Variants in BCAT1 observed in about 807,000 individuals in gnomAD.
BCAT1 encodes branched chain amino acid transaminase 1.
A neutral mutation model predicts 52.4 loss-of-function variants in BCAT1; 48 were observed. The observed-to-expected ratio is 0.92, with a 90% CI of 0.73 to 1.16. The LOEUF is 1.16. Ranked by LOEUF, BCAT1 falls within the 50% of genes most tolerant of loss-of-function variation. BCAT1 has a pLI of 0.00. For missense variants in BCAT1, 451 were observed against 457.1 expected, an observed-to-expected ratio of 0.99 and a Z score of 0.12; for synonymous variants, 167 against 161.3, an observed-to-expected ratio of 1.04 and a Z score of -0.27.
Position 24,861,586 on chromosome 12 carries a change from C to T in BCAT1, c.511-11637G>A, listed in dbSNP as rs553889814. The stretch of plus-strand genomic sequence containing the variant: ...GAATAGTTACGCAAAAATATCATCA[C>T]CTGTATTCAGCCAGAAGAAGCTACA... On this transcript the variant is annotated intron_variant, in intron 5 of 10. Transcript: ENST00000261192. Among the ~76,000 whole-genome samples the T allele has an allele frequency of 3.3e-5, 5 of 152,304 alleles. No individual in the cohort carries two copies. The East Asian group carries it at 9.6e-4, about 29-fold the overall frequency.
intron 1 of BCAT1, among the ~76,000 whole-genome samples, chr12:24,933,588 C>T (rs1014023124): frequency 4.6e-5 from 7 of 152,050 alleles, no homozygotes; most frequent in African/African-American, 1.7e-4. Flanking sequence ...GGAACCTGGT[C>T]GAAGGTGATT....
chr12:24,934,677 C>A (rs888193679), intron 1 of BCAT1, among the ~76,000 whole-genome samples: 1 of 152,178 alleles, frequency 6.6e-6, no homozygotes, highest in Non-Finnish European at 1.5e-5. Flanking sequence ...CTCAGCCTCC[C>A]AAGTAGCTGG....
intron 1 of BCAT1, among the ~76,000 whole-genome samples, chr12:24,914,422 C>T (rs952983427): frequency 2.0e-5 from 3 of 152,104 alleles, no homozygotes; most frequent in African/African-American, 7.2e-5. Context: ...GTCTTGCAGT[C>T]GTGAGAACAG....
chr12:24,851,104 A>G (rs1565462760), intron 5 of BCAT1, among the ~76,000 whole-genome samples: 1 of 152,184 alleles, frequency 6.6e-6, no homozygotes, highest in Admixed American at 6.5e-5. Context: ...TGAAGGCTAC[A>G]TATTAAGGTA....
At chr12:24,926,118 C>T (rs1482395628) in intron 1 of BCAT1, among the ~76,000 whole-genome samples, 23 of 152,038 alleles carry the variant, frequency 1.5e-4, no homozygotes, top group Non-Finnish European at 2.6e-4. Context: ...CGCCTCTTCC[C>T]GGCTGCCATC....
chr12:24,812,818 G>A lies in BCAT1; in HGVS notation c.*5190C>T, dbSNP rs1939733755. On this transcript the variant is annotated 3_prime_UTR_variant, in exon 11 of 11. Transcript: ENST00000261192. ...TAGCCATTGTGATAGTGGATATGTA[G>A]AGAAAAGCCAGTGAAACTATATTTT... The A allele has an allele frequency of 1.3e-5, 2 of 152,034 alleles. No homozygotes were observed. The highest frequency in any genetic ancestry group is 4.1e-4 in the South Asian group (2 of 4,824). The allele number at this position is 152,034 out of a possible 1,614,324, so 9.4% of individuals were successfully genotyped here. A position where few individuals can be genotyped will look rare whatever the true frequency, so the allele number is the denominator to read the frequency against.
rs1221310181 is a variant in BCAT1, at chr12:24,831,352, CA to C, written c.1044+1370del. On this transcript the variant is annotated intron_variant, in intron 9 of 10. Transcript: ENST00000261192. ...ACTAGTAGTTAAGTTTTTGGGAAGT[CA>C]AAAGTTATATGTGGGCCGGGCATGG... Among the ~76,000 whole-genome samples, 4 of 152,188 alleles carry C rather than the reference CA, an allele frequency of 2.6e-5. No homozygotes were observed. The East Asian group carries it at 7.7e-4, about 29-fold the overall frequency.
At chr12:24,826,949 G>A (rs765138946) in intron 10 of BCAT1, among the ~76,000 whole-genome samples, 2 of 152,048 alleles carry the variant, frequency 1.3e-5, no homozygotes, top group Non-Finnish European at 2.9e-5. Context: ...TTCACTGTTA[G>A]CATATATAAA....
At position 24,814,357 on chromosome 12, in the gene BCAT1, A is replaced by C. The variant is rs1872646; in HGVS notation, c.*3651T>G. 1 allele frequency: 151,416 copies of C among 151,478 alleles called. 75,678 individuals are homozygous for C. The highest frequency in any genetic ancestry group is 1 in the Non-Finnish European group (67,888 of 67,888). 9.4% of individuals were successfully genotyped at this position (151,478 alleles called of 1,614,324 possible). A position where few individuals can be genotyped will look rare whatever the true frequency, so the allele number is the denominator to read the frequency against. Reference sequence around the variant, plus strand: ...ATCACTCTTTGAAAGTGAACAAACAATGTTTTCTGCTGAAAATTCATCTTT... The same window carrying C: ...ATCACTCTTTGAAAGTGAACAAACACTGTTTTCTGCTGAAAATTCATCTTT... On this transcript the variant is annotated 3_prime_UTR_variant, in exon 11 of 11. Coordinates refer to ENST00000261192, the MANE Select transcript of BCAT1 (RefSeq NM_005504.7).
intron 7 of BCAT1, among the ~76,000 whole-genome samples, chr12:24,841,099 G>A (rs1393155428): frequency 2.0e-5 from 3 of 152,060 alleles, no homozygotes; most frequent in African/African-American, 4.8e-5. Flanking sequence ...AAAGTAATGA[G>A]TACTCAGGAT....
intron 5 of BCAT1, among the ~76,000 whole-genome samples, chr12:24,856,094 C>T (rs12422599): frequency 0.088 from 13,443 of 152,214 alleles, 757 homozygotes; most frequent in East Asian, 0.2. Flanking sequence ...TGCCTGTAAC[C>T]TCTGCACCTT....
intron 2 of BCAT1, 30 bp downstream of exon 2, chr12:24,901,784 T>G: frequency 6.2e-7 from 1 of 1,604,786 alleles, no homozygotes. Context: ...AACGTTGCTT[T>G]AGACACTAAG....
chr12:24,893,098 G>A (rs1843834200), intron 3 of BCAT1, among the ~76,000 whole-genome samples: 1 of 152,086 alleles, frequency 6.6e-6, no homozygotes, highest in Non-Finnish European at 1.5e-5. Flanking sequence ...AGTAATTTTG[G>A]TGTATACATG....
At chr12:24,849,761 T>C in intron 6 of BCAT1, 25 bp downstream of exon 6, 1 of 1,592,694 alleles carries the variant, frequency 6.3e-7, no homozygotes, top group Admixed American at 1.7e-5. Context: ...GTCTTTCCTT[T>C]AGACAGAGAC....
At chr12:24,840,103 A>T (rs1941131120) in intron 7 of BCAT1, among the ~76,000 whole-genome samples, 2 of 151,980 alleles carry the variant, frequency 1.3e-5, no homozygotes. Flanking sequence ...AGACAAACTC[A>T]CTCATTTCTA....
intron 6 of BCAT1, among the ~76,000 whole-genome samples, chr12:24,843,664 C>T (rs183347734): frequency 6.6e-6 from 1 of 152,254 alleles, no homozygotes; most frequent in Admixed American, 6.5e-5. Flanking sequence ...TTTTCATCTG[C>T]ACTATATTCC....
At chr12:24,892,231 A>G (rs1942866230) in intron 3 of BCAT1, among the ~76,000 whole-genome samples, 1 of 152,020 alleles carries the variant, frequency 6.6e-6, no homozygotes, top group African/African-American at 2.4e-5. Flanking sequence ...ATCAGATCCC[A>G]TGGGTGGAGG....
chr12:24,876,246 AGAG>A (rs1469650126), intron 5 of BCAT1, among the ~76,000 whole-genome samples: 30 of 142,384 alleles, frequency 2.1e-4, no homozygotes, highest in African/African-American at 7.0e-4. Context: ...ATCAAGAGGA[AGAG>A]GAGGGAGATG....
In BCAT1 at chr12:24,810,647, T is replaced by C. The variant is rs1939651994; in HGVS notation, c.*7361A>G. 1 of 152,154 alleles carries C rather than the reference T, an allele frequency of 6.6e-6. No homozygotes were observed. The highest frequency in any genetic ancestry group is 1.5e-5 in the Non-Finnish European group (1 of 68,024). 9.4% of individuals were successfully genotyped at this position (152,154 alleles called of 1,614,324 possible). On this transcript the variant is annotated 3_prime_UTR_variant, in exon 11 of 11. Transcript: ENST00000261192. The stretch of plus-strand genomic sequence containing the variant: ...CTTCCAAACTCTGCGCGTAACTTCT[T>C]GAGAGATCTGAATAAAGGCCAATAT...
Sources: allele counts gnomAD v4.1 joint callset (sites outside exome capture counted in the v4.1 genomes callset), GRCh38; gene constraint gnomAD v4.1.1; transcripts MANE v1.5; gene names NCBI Gene and HGNC (gene_info 2026-07-23, HGNC 2026-07-21).